PTPRN2: variants seen among roughly 807,000 people sequenced by gnomAD.
PTPRN2 encodes protein tyrosine phosphatase receptor type N2.
A neutral mutation model predicts 118.8 loss-of-function variants in PTPRN2; 74 were observed. The ratio of observed to expected loss-of-function variants is 0.62; its 90% CI spans 0.52 to 0.76. PTPRN2 has a LOEUF of 0.76. Ranked by LOEUF, PTPRN2 falls within the 30% of genes least tolerant of loss-of-function variation. The pLI, the probability that PTPRN2 is intolerant of heterozygous loss-of-function variation, is 0.00. For synonymous variants in PTPRN2, 641 were observed against 608.0 expected, an observed-to-expected ratio of 1.05 and a Z score of -0.80; for missense variants, 1,481 against 1,394.4, an observed-to-expected ratio of 1.06 and a Z score of -0.99.
At chr7:157,938,353 C>T (rs1342575906) in intron 11 of PTPRN2, among the ~76,000 whole-genome samples, 2 of 152,238 alleles carry the variant, frequency 1.3e-5, no homozygotes, top group Non-Finnish European at 2.9e-5. Context: ...CCTGCCAGCT[C>T]TCAGAGGCAC....
chr7:158,291,387 G>A (rs577935603), intron 3 of PTPRN2, among the ~76,000 whole-genome samples: 76 of 152,180 alleles, frequency 5.0e-4, no homozygotes, highest in Non-Finnish European at 9.8e-4. Flanking sequence ...AAACAATAGG[G>A]ATATGAGGAT....
At chr7:157,631,648 C>T (rs560122586) in intron 14 of PTPRN2, among the ~76,000 whole-genome samples, 25 of 151,986 alleles carry the variant, frequency 1.6e-4, no homozygotes, top group Middle Eastern at 3.4e-3. Flanking sequence ...CTGGCTAACA[C>T]GGTGAAACCC....
intron 2 of PTPRN2, among the ~76,000 whole-genome samples, chr7:158,382,685 G>A (rs1811054987): frequency 6.6e-6 from 1 of 152,120 alleles, no homozygotes; most frequent in South Asian, 2.1e-4. Flanking sequence ...CTGCGCACAG[G>A]AGGGACAGAA....
At chr7:158,406,001 G>A (rs1354683744) in intron 2 of PTPRN2, among the ~76,000 whole-genome samples, 65 of 148,026 alleles carry the variant, frequency 4.4e-4, no homozygotes, top group African/African-American at 1.6e-3. Context: ...TGGCTCATCC[G>A]TGAGACACGT....
intron 12 of PTPRN2, among the ~76,000 whole-genome samples, chr7:157,842,528 C>T (rs1808505766): frequency 6.6e-6 from 1 of 151,566 alleles, no homozygotes; most frequent in African/African-American, 2.4e-5. Context: ...GATTCTCCTG[C>T]CTCAACCTCC....
At chr7:158,331,424 G>C (rs1183373963) in intron 2 of PTPRN2, among the ~76,000 whole-genome samples, 1 of 145,550 alleles carries the variant, frequency 6.9e-6, no homozygotes, top group Non-Finnish European at 1.5e-5. Context: ...GCCCACAGAG[G>C]TCACTCACAC....
At position 158,171,155 on chromosome 7, in the gene PTPRN2, T is replaced by TATATACACAC. The variant is rs1563554756; in HGVS notation, c.550-3865_550-3864insGTGTGTATAT. On this transcript the variant is annotated intron_variant, in intron 5 of 22. Coordinates refer to ENST00000389418, the MANE Select transcript of PTPRN2 (RefSeq NM_002847.5). ...ATATATACACACATATATATACACA[T>TATATACACAC]ATATATACACACATATATACACATA... 6.3e-3 allele frequency among the ~76,000 whole-genome samples: 126 copies of TATATACACAC among 20,054 alleles called. 4 individuals carry two copies. Among genetic ancestry groups the TATATACACAC allele is most frequent in the African/African-American group, 0.011 (109 of 10,048 alleles). The allele number at this position is 20,054 out of a possible 152,430, so 13.2% of individuals were successfully genotyped here. A position where few individuals can be genotyped will look rare whatever the true frequency, so the allele number is the denominator to read the frequency against.
intron 11 of PTPRN2, among the ~76,000 whole-genome samples, chr7:158,044,068 G>T (rs573208751): frequency 3.3e-5 from 5 of 152,214 alleles, no homozygotes; most frequent in Non-Finnish European, 7.3e-5. Flanking sequence ...TGCCACACAT[G>T]ATTTTCATAA....
At chr7:157,577,599 T>C (rs1230288843) in intron 18 of PTPRN2, among the ~76,000 whole-genome samples, 1 of 152,216 alleles carries the variant, frequency 6.6e-6, no homozygotes, top group Non-Finnish European at 1.5e-5. Context: ...GCATCAAGGA[T>C]GGGCGCCAGG....
chr7:157,578,025 T>C lies in PTPRN2; in HGVS notation c.2612A>G (p.Tyr871Cys), dbSNP rs762509017. The C allele has an allele frequency of 2.4e-5, 38 of 1,610,122 alleles. No individual in the cohort carries two copies. The Admixed American group carries it at 5.5e-4, about 23-fold the overall frequency. ...GGGTGGCTCTGGTCGGAGTACCTCA[T>C]AGATGTGGTAGAGATTGGAGCCTTC... The part of the protein sequence containing the change: ...PDEGSNLYHI[Y>C]EVNLVSEHIW... The change falls in exon 18 of 23, where the codon TAT (tyrosine) becomes TGT (cysteine). Residue 871 changes from tyrosine to cysteine, a missense_variant. By Grantham distance (194) the Tyr-to-Cys change is radical. Coordinates refer to ENST00000389418, the MANE Select transcript of PTPRN2 (RefSeq NM_002847.5).
In PTPRN2 at chr7:158,318,598, G is replaced by T. The variant is rs569996587; in HGVS notation, c.164-1666C>A. Among the ~76,000 whole-genome samples, 628 of 152,340 alleles carry T rather than the reference G, an allele frequency of 4.1e-3. 2 individuals are homozygous for T. The highest frequency in any genetic ancestry group is 0.02 in the Middle Eastern group (6 of 294). ...GCCTCTTCCGATCCCTGAGGCCAGGGAGGCTCAGAAGCCCAGGGCTCCACT... is the reference window on the plus strand; with the variant it reads ...GCCTCTTCCGATCCCTGAGGCCAGGTAGGCTCAGAAGCCCAGGGCTCCACT... On this transcript the variant is annotated intron_variant, in intron 2 of 22. Coordinates refer to ENST00000389418, the MANE Select transcript of PTPRN2 (RefSeq NM_002847.5).
chr7:158,457,072 G>A (rs1818560885), intron 2 of PTPRN2, among the ~76,000 whole-genome samples: 1 of 152,116 alleles, frequency 6.6e-6, no homozygotes, highest in Admixed American at 6.5e-5. Context: ...TAGTTAATTT[G>A]TTTGAATTAA....
rs1173716950 is a variant in PTPRN2 at position 158,003,574 on chromosome 7, C to T, written c.1723+77724G>A. Among the ~76,000 whole-genome samples, 2 of 152,128 alleles carry T rather than the reference C, an allele frequency of 1.3e-5. No individual in the cohort carries two copies. Among genetic ancestry groups the T allele is most frequent in the African/African-American group, 4.8e-5 (2 of 41,426 alleles). The stretch of plus-strand genomic sequence containing the variant: ...GCCACCGTGAGCCAGGGAATGCGGC[C>T]CCAGGAACAAGCCCTGCCCACAGGC... On this transcript the variant is annotated intron_variant, in intron 11 of 22. Transcript: ENST00000389418. The surrounding 1 kb of genome is among the most constrained non-coding windows in gnomAD (Gnocchi z 5.0).
chr7:157,860,242 T>A (rs1039929593), intron 12 of PTPRN2, among the ~76,000 whole-genome samples: 3 of 152,140 alleles, frequency 2.0e-5, no homozygotes, highest in Admixed American at 2.0e-4. Context: ...TACCCTGGAT[T>A]TCAGAGGTCA....
At chr7:158,220,438 C>A (rs570166117) in intron 3 of PTPRN2, among the ~76,000 whole-genome samples, 41 of 152,180 alleles carry the variant, frequency 2.7e-4, no homozygotes, top group African/African-American at 9.6e-4. Flanking sequence ...TGCCAAAAGA[C>A]TTCTAGAACT....
chr7:158,110,965 C>A, intron 9 of PTPRN2, 50 bp from the exon 10 acceptor site: 1 of 1,475,612 alleles, frequency 6.8e-7, no homozygotes, highest in Non-Finnish European at 9.1e-7. Context: ...GCCAGCAGTC[C>A]TGGAGAACTA....
At chr7:157,726,312 G>T (rs59287624) in intron 12 of PTPRN2, among the ~76,000 whole-genome samples, 1 of 137,676 alleles carries the variant, frequency 7.3e-6, no homozygotes, top group Non-Finnish European at 1.5e-5. Context: ...CCTCCCAGGA[G>T]AACTGGATAT....
chr7:157,688,671 TG>T (rs887507832), intron 12 of PTPRN2, among the ~76,000 whole-genome samples: 1 of 152,138 alleles, frequency 6.6e-6, no homozygotes, highest in Non-Finnish European at 1.5e-5. Flanking sequence ...TCTTCAGGAC[TG>T]GGGGGGTTAC....
chr7:157,714,802 C>G (rs1464689135), intron 12 of PTPRN2, among the ~76,000 whole-genome samples: 1 of 147,360 alleles, frequency 6.8e-6, no homozygotes, highest in Non-Finnish European at 1.5e-5. Flanking sequence ...TTCTAGGTCT[C>G]CCGCTTTCTG....
Sources: allele counts gnomAD v4.1 joint callset (sites outside exome capture counted in the v4.1 genomes callset), GRCh38; gene constraint gnomAD v4.1.1; non-coding constraint Gnocchi (gnomAD v3.1); transcripts MANE v1.5; gene names NCBI Gene and HGNC (gene_info 2026-07-23, HGNC 2026-07-21).